BCLAF1: variants seen among roughly 807,000 people sequenced by gnomAD.
BCLAF1 encodes the protein BCL2 associated transcription factor 1, also known as bcl-2-associated transcription factor 1.
Under a neutral mutation model 99.5 loss-of-function variants are expected in BCLAF1, and 10 were observed. That is an observed-to-expected ratio of 0.10 (90% CI 0.06 to 0.17). The LOEUF is 0.17. Ranked by LOEUF, BCLAF1 falls within the 10% of genes least tolerant of loss-of-function variation. BCLAF1 has a pLI of 1.00. For synonymous variants in BCLAF1, 255 were observed against 370.9 expected (o/e 0.69, Z 3.59); for missense variants, 636 against 1,105.8 (o/e 0.58, Z 6.02).
chr6:136,266,135 T>C (rs1271228693), intron 11 of BCLAF1, among the ~76,000 whole-genome samples: 2 of 151,896 alleles, frequency 1.3e-5, no homozygotes, highest in Non-Finnish European at 2.9e-5. Flanking sequence ...CCAGACAAAA[T>C]AGAGATCCAC....
At chr6:136,289,468 G>A (rs890936970) in intron 1 of BCLAF1, among the ~76,000 whole-genome samples, 8 of 152,170 alleles carry the variant, frequency 5.3e-5, no homozygotes, top group African/African-American at 7.2e-5. Flanking sequence ...TGGGTCTCCA[G>A]GCAGGTTCGC....
At chr6:136,282,961 TG>T (rs1380971761) in intron 1 of BCLAF1, among the ~76,000 whole-genome samples, 96 of 152,170 alleles carry the variant, frequency 6.3e-4, no homozygotes, top group African/African-American at 2.2e-3. Flanking sequence ...AAAAAACATA[TG>T]ATATGTCGTT....
intron 3 of BCLAF1, 71 bp from the exon 4 acceptor site, chr6:136,278,847 G>T: frequency 7.5e-7 from 1 of 1,326,602 alleles, no homozygotes; most frequent in Non-Finnish European, 9.9e-7. Flanking sequence ...TACTCTGGTT[G>T]AATATAACAT....
intron 1 of BCLAF1, among the ~76,000 whole-genome samples, chr6:136,285,945 A>G (rs1463189536): frequency 6.6e-6 from 1 of 152,134 alleles, no homozygotes; most frequent in Non-Finnish European, 1.5e-5. Context: ...TAAAAATACA[A>G]AAATCAGCCA....
chr6:136,276,245 G>A lies in BCLAF1; in HGVS notation c.1280C>T (p.Ser427Phe), dbSNP rs1310354815. The A allele has an allele frequency of 1.2e-6, 2 of 1,605,452 alleles. No homozygotes were observed. Among genetic ancestry groups the A allele is most frequent in the South Asian group, 2.2e-5 (2 of 90,042 alleles). Residue 427 changes from serine (S) to phenylalanine (F), a missense_variant, in exon 5 of 13, where the codon TCT becomes TTT. Coordinates refer to ENST00000531224, the MANE Select transcript of BCLAF1 (RefSeq NM_014739.3). The part of the protein sequence containing the change: ...ADQGKSFATA[S>F]HRNTEEEGLK... Reference sequence around the variant, plus strand: ...TCCTTCCTCCTCAGTATTCCGGTGAGATGCAGTAGCAAAACTTTTACCCTG... The same window carrying A: ...TCCTTCCTCCTCAGTATTCCGGTGAAATGCAGTAGCAAAACTTTTACCCTG...
In BCLAF1 at chr6:136,256,700, TAAA is replaced by T. The variant is rs1298915677; in HGVS notation, c.*4407_*4409del. ...ATAAATAAATAAATAAATAAATAAA[TAAA>T]TAAATAATTCAAAGTGCATTTAACA... On this transcript the variant is annotated 3_prime_UTR_variant, in exon 13 of 13. Coordinates refer to ENST00000531224, the MANE Select transcript of BCLAF1 (RefSeq NM_014739.3). 6.2e-6 allele frequency: 1 copy of T among 160,898 alleles called. No homozygotes were observed. The highest frequency in any genetic ancestry group is 1.3e-5 in the Non-Finnish European group (1 of 78,044). 10.0% of individuals were successfully genotyped at this position (160,898 alleles called of 1,614,324 possible). A position where few individuals can be genotyped will look rare whatever the true frequency, so the allele number is the denominator to read the frequency against.
chr6:136,283,984 C>T (rs1784727876), intron 1 of BCLAF1, among the ~76,000 whole-genome samples: 1 of 151,802 alleles, frequency 6.6e-6, no homozygotes, highest in Admixed American at 6.6e-5. Context: ...AACTGGAGTA[C>T]TGTCATAAAA....
chr6:136,263,361 T>C (rs748522689), intron 11 of BCLAF1, among the ~76,000 whole-genome samples: 2 of 152,260 alleles, frequency 1.3e-5, no homozygotes, highest in South Asian at 2.1e-4. Context: ...GCCATTGCTT[T>C]TAATATACAA....
intron 7 of BCLAF1, among the ~76,000 whole-genome samples, chr6:136,272,598 C>T (rs749361077): frequency 6.6e-6 from 1 of 151,920 alleles, no homozygotes; most frequent in Admixed American, 6.6e-5. Context: ...CACTGCCACC[C>T]TGCAAAACTG....
chr6:136,269,738 T>C (rs1193786227), intron 8 of BCLAF1, 126 bp from the exon 9 acceptor site: 2 of 620,722 alleles, frequency 3.2e-6, no homozygotes, highest in Non-Finnish European at 5.0e-6. Flanking sequence ...AAATAATGAA[T>C]CATATAAGAT....
rs1196405518 is a variant in BCLAF1 at position 136,277,983 on chromosome 6, T to G, written c.898A>C (p.Ser300Arg). The stretch of plus-strand genomic sequence containing the variant: ...TGTGGTGCGATTGTCTTTGCAGGAC[T>G]TCTTCGTGAAGGGATGTGATGAATT... ...SPIHHIPSRR[S>R]PAKTIAPQNA... The change falls in exon 4 of 13, where the codon AGT (serine) becomes CGT (arginine). Residue 300 changes from serine to arginine, a missense_variant. Around this residue, in one of 9 missense-constraint regions of BCLAF1, gnomAD observed 186 missense variants for 275.3 expected, o/e 0.68. Coordinates refer to ENST00000531224, the MANE Select transcript of BCLAF1 (RefSeq NM_014739.3). The G allele has an allele frequency of 6.2e-7, 1 of 1,607,656 alleles. No individual in the cohort carries two copies. The highest frequency in any genetic ancestry group is 1.7e-5 in the Admixed American group (1 of 59,354).
rs558321205 is a variant in BCLAF1, at chr6:136,286,743, G to A, written c.-115+2970C>T. 5.9e-5 allele frequency among the ~76,000 whole-genome samples: 9 copies of A among 152,258 alleles called. No individual in the cohort carries two copies. In the East Asian group the frequency reaches 1.5e-3, roughly 26 times the overall value. On this transcript the variant is annotated intron_variant, in intron 1 of 12. Transcript: ENST00000531224. ...AACACTTTGGGAGGGCGAGGCGGGCGGATCACCCGAGGTCAGGAGTTCGAG... is the reference window on the plus strand; with the variant it reads ...AACACTTTGGGAGGGCGAGGCGGGCAGATCACCCGAGGTCAGGAGTTCGAG...
chr6:136,283,529 T>C (rs544637809), intron 1 of BCLAF1, among the ~76,000 whole-genome samples: 17 of 152,326 alleles, frequency 1.1e-4, no homozygotes, highest in African/African-American at 3.6e-4. Flanking sequence ...ACTGAAAAGT[T>C]TAGCTTTATG....
In BCLAF1 at chr6:136,260,670, G is replaced by A. The variant is rs1780844355; in HGVS notation, c.*440C>T. Reference sequence around the variant, plus strand: ...CGATGTAGTGTGTTCAAATTAAACAGATGTATACAGTTAAAATAATTAGTG... The same window carrying A: ...CGATGTAGTGTGTTCAAATTAAACAAATGTATACAGTTAAAATAATTAGTG... On this transcript the variant is annotated 3_prime_UTR_variant, in exon 13 of 13. Coordinates refer to ENST00000531224, the MANE Select transcript of BCLAF1 (RefSeq NM_014739.3). The A allele has an allele frequency of 5.4e-6, 1 of 186,786 alleles. No individual in the cohort carries two copies. Among genetic ancestry groups the A allele is most frequent in the Non-Finnish European group, 1.1e-5 (1 of 91,610 alleles). The allele number at this position is 186,786 out of a possible 1,614,324, so 11.6% of individuals were successfully genotyped here.
chr6:136,260,686 ATAAT>A lies in BCLAF1; in HGVS notation c.*420_*423del, dbSNP rs1455468186. 1 of 206,778 alleles carries A rather than the reference ATAAT, an allele frequency of 4.8e-6. No homozygotes were observed. Among genetic ancestry groups the A allele is most frequent in the Middle Eastern group, 1.8e-3 (1 of 552 alleles). 12.8% of individuals were successfully genotyped at this position (206,778 alleles called of 1,614,324 possible). On this transcript the variant is annotated 3_prime_UTR_variant, in exon 13 of 13. Transcript: ENST00000531224. ...AATTAAACAGATGTATACAGTTAAAATAATTAGTGTAGTCTCTATAAACAATTTC... is the reference window on the plus strand; with the variant it reads ...AATTAAACAGATGTATACAGTTAAAATAGTGTAGTCTCTATAAACAATTTC...
chr6:136,269,673 CAT>C, intron 8 of BCLAF1, 61 bp from the exon 9 acceptor site: 1 of 1,279,906 alleles, frequency 7.8e-7, no homozygotes, highest in African/African-American at 1.5e-5. Context: ...TATATATACA[CAT>C]ATTATAGAGT....
At chr6:136,279,943 C>T (rs1784149492) in intron 2 of BCLAF1, 67 bp from the exon 3 acceptor site, 9 of 1,317,324 alleles carry the variant, frequency 6.8e-6, no homozygotes, top group Non-Finnish European at 8.8e-6. Context: ...TACATTATTA[C>T]TTATTTTCAG....
intron 1 of BCLAF1, among the ~76,000 whole-genome samples, chr6:136,283,508 A>C (rs1038031864): frequency 1.3e-5 from 2 of 152,230 alleles, no homozygotes; most frequent in Non-Finnish European, 2.9e-5. Flanking sequence ...CAAAATATTC[A>C]AGTTACCAAT....
At chr6:136,287,398 C>T (rs1202334193) in intron 1 of BCLAF1, among the ~76,000 whole-genome samples, 1 of 152,098 alleles carries the variant, frequency 6.6e-6, no homozygotes, top group Admixed American at 6.5e-5. Context: ...TTAGTATATT[C>T]GTTGGTTTTC....
Sources: allele counts gnomAD v4.1 joint callset (sites outside exome capture counted in the v4.1 genomes callset), GRCh38; gene constraint gnomAD v4.1.1; regional missense constraint gnomAD v4.1.1; transcripts MANE v1.5; gene names NCBI Gene and HGNC (gene_info 2026-07-23, HGNC 2026-07-21).